The following BMP15 variants were observed in gnomAD, a reference collection of about 807,000 sequenced individuals.
BMP15 encodes the protein growth/differentiation factor 9B.
Under a neutral mutation model 4.4 loss-of-function variants are expected in BMP15, and 5 were observed. The observed-to-expected ratio is 1.13, with a 90% CI of 0.59 to 2.38. The LOEUF (loss-of-function observed/expected upper bound fraction) is 2.38, where lower values mean the gene tolerates loss of function less well. BMP15 is among the 30% of genes most tolerant of loss of function. The pLI is 0.01. For synonymous variants in BMP15, 125 were observed against 114.6 expected (o/e 1.09, Z -0.58); for missense variants, 339 against 309.8 (o/e 1.09, Z -0.71).
At chrX:50,915,721 C>G (rs376992375) in intron 1 of BMP15, 36 bp from the exon 2 acceptor site, 30 of 1,207,495 alleles carry the variant, frequency 2.5e-5, no homozygotes, top group Non-Finnish European at 3.2e-5. Flanking sequence ...AGGTAAGAAG[C>G]TAAACCTCTG....
At chrX:50,914,458 T>C (rs1167628663) in intron 1 of BMP15, among the ~76,000 whole-genome samples, 3 of 111,858 alleles carry the variant, frequency 2.7e-5, no homozygotes, top group East Asian at 5.7e-4. Context: ...TGTTGGCACA[T>C]ACCTGTAGTC....
chrX:50,913,196 TATGGGAAG>T (rs1461564304), intron 1 of BMP15, among the ~76,000 whole-genome samples: 3 of 110,587 alleles, frequency 2.7e-5, no homozygotes, highest in African/African-American at 6.6e-5. Flanking sequence ...GGGAGGCCAA[TATGGGAAG>T]ATCACTTGAG....
At position 50,910,971 on chromosome X, in the gene BMP15, T is replaced by A. The variant is rs369329828; in HGVS notation, c.188T>A (p.Leu63Gln). The change falls in exon 1 of 2, where the codon CTA (leucine) becomes CAA (glutamine). Residue 63 changes from leucine to glutamine, a missense_variant. Physicochemically the swap from Leu to Gln is moderately radical, Grantham distance 113. Coordinates refer to ENST00000252677, the MANE Select transcript of BMP15 (RefSeq NM_005448.2). ...GAACAGCCAAGGAAGCCCCGGCTCC[T>A]AGGGCATTCACTGCGGTACATGCTG... ...PGEQPRKPRL[L>Q]GHSLRYMLEL... 7.5e-5 allele frequency: 89 copies of A among 1,190,254 alleles called. No homozygotes were observed. The highest frequency in any genetic ancestry group is 9.8e-5 in the Non-Finnish European group (87 of 884,777).
At chrX:50,914,989 G>C (rs930078585) in intron 1 of BMP15, among the ~76,000 whole-genome samples, 1 of 111,678 alleles carries the variant, frequency 9.0e-6, no homozygotes, top group Non-Finnish European at 1.9e-5. Flanking sequence ...TAGAGGAATA[G>C]TGGTAAAATG....
Position 50,916,073 on chromosome X carries a change from T to C in BMP15, c.645T>C (p.Ser215=). 2 of 1,211,774 alleles carry C rather than the reference T, an allele frequency of 1.7e-6. No homozygotes were observed. Among genetic ancestry groups the C allele is most frequent in the Non-Finnish European group, 1.1e-6 (1 of 895,497 alleles). ...LRFMCQQQKD[S]GGLELWHGTS... is the part of the protein sequence containing the mutation. ...TTATGTGTCAGCAGCAAAAAGATAG[T>C]GGTGGTCTTGAGCTCTGGCATGGCA... is the stretch of plus-strand genomic sequence containing the variant. Residue 215 remains serine, a synonymous_variant, in exon 2 of 2, where the codon AGT becomes AGC. Transcript: ENST00000252677.
rs1259531162 is a variant in BMP15, at chrX:50,911,199, G to A, written c.328+88G>A. ...AGGGAATTGGTGGGTTTACTGTCAG[G>A]CTTTGTTGCCTTGTGGGCAGGTTGT... On this transcript the variant is annotated intron_variant, in intron 1 of 1. Transcript: ENST00000252677. 1.1e-5 allele frequency: 12 copies of A among 1,043,694 alleles called. No individual in the cohort carries two copies. In the East Asian group the frequency reaches 2.3e-4, roughly 20 times the overall value. 86.0% of individuals were successfully genotyped at this position (1,043,694 alleles called of 1,213,427 possible).
chrX:50,914,962 G>C (rs1449132085), intron 1 of BMP15, among the ~76,000 whole-genome samples: 1 of 111,798 alleles, frequency 8.9e-6, no homozygotes, highest in Non-Finnish European at 1.9e-5. Flanking sequence ...GATCAAGACT[G>C]TGTTGAAAAT....
intron 1 of BMP15, among the ~76,000 whole-genome samples, chrX:50,912,929 G>C (rs1923043317): frequency 9.0e-6 from 1 of 111,586 alleles, no homozygotes; most frequent in Non-Finnish European, 1.9e-5. Context: ...TTTGAGCTCA[G>C]GTCTATAAGA....
intron 1 of BMP15, among the ~76,000 whole-genome samples, chrX:50,915,516 A>G (rs182027460): frequency 1.6e-3 from 173 of 111,333 alleles, no homozygotes; most frequent in African/African-American, 5.5e-3. Flanking sequence ...CTGAGCCTCA[A>G]TTTCCTTATC....
chrX:50,911,135 G>T (rs370214433), intron 1 of BMP15, 24 bp downstream of exon 1: 1 of 1,158,324 alleles, frequency 8.6e-7, no homozygotes, highest in South Asian at 1.9e-5. Flanking sequence ...CCCCCATACT[G>T]CCCTGGAAGG....
chrX:50,911,184 T>C lies in BMP15; in HGVS notation c.328+73T>C, dbSNP rs1923008284. 22 of 1,078,644 alleles carry C rather than the reference T, an allele frequency of 2.0e-5. 1 individual carries two copies. In the South Asian group the frequency reaches 4.0e-4, roughly 19 times the overall value. The allele number at this position is 1,078,644 out of a possible 1,213,427, so 88.9% of individuals were successfully genotyped here. On this transcript the variant is annotated intron_variant, in intron 1 of 1. Transcript: ENST00000252677. ...AGGAGTGTAGAGAAAAGGGAATTGGTGGGTTTACTGTCAGGCTTTGTTGCC... is the reference window on the plus strand; with the variant it reads ...AGGAGTGTAGAGAAAAGGGAATTGGCGGGTTTACTGTCAGGCTTTGTTGCC...
Position 50,911,005 on chromosome X carries a change from C to T in BMP15, c.222C>T (p.Tyr74=). Residue 74 remains tyrosine (Y), a synonymous_variant, in exon 1 of 2, where the codon TAC becomes TAT. Transcript: ENST00000252677. ...GHSLRYMLEL[Y]RRSADSHGHP... is the part of the protein sequence containing the mutation. ...CACTGCGGTACATGCTGGAGTTGTA[C>T]CGGCGTTCAGCTGACTCGCATGGGC... is the stretch of plus-strand genomic sequence containing the variant. The T allele has an allele frequency of 8.4e-7, 1 of 1,194,507 alleles. No homozygotes were observed. The highest frequency in any genetic ancestry group is 1.1e-6 in the Non-Finnish European group (1 of 886,583).
At chrX:50,914,251 C>T (rs1412766678) in intron 1 of BMP15, among the ~76,000 whole-genome samples, 1 of 111,923 alleles carries the variant, frequency 8.9e-6, no homozygotes, top group Non-Finnish European at 1.9e-5. Context: ...GGATTAGAGG[C>T]GTGAGCCACC....
chrX:50,916,569 T>C lies in BMP15; in HGVS notation c.1141T>C (p.Tyr381His). Residue 381 changes from tyrosine (Y) to histidine (H), a missense_variant, in exon 2 of 2, where the codon TAT becomes CAT. Transcript: ENST00000252677. ...EANGSILYKE[Y>H]EGMIAESCTC... Reference sequence around the variant, plus strand: ...AAATGGGAGTATTTTGTACAAGGAGTATGAGGGTATGATTGCTGAGTCTTG... The same window carrying C: ...AAATGGGAGTATTTTGTACAAGGAGCATGAGGGTATGATTGCTGAGTCTTG... 8.3e-7 allele frequency: 1 copy of C among 1,210,019 alleles called. No individual in the cohort carries two copies. The highest frequency in any genetic ancestry group is 3.0e-5 in the East Asian group (1 of 33,772).
At chrX:50,911,846 G>T (rs1923022308) in intron 1 of BMP15, among the ~76,000 whole-genome samples, 1 of 111,485 alleles carries the variant, frequency 9.0e-6, no homozygotes, top group Non-Finnish European at 1.9e-5. Context: ...CTGGGACTAA[G>T]TGTATTTTGG....
At chrX:50,915,073 T>A (rs1305962839) in intron 1 of BMP15, among the ~76,000 whole-genome samples, 3 of 111,731 alleles carry the variant, frequency 2.7e-5, no homozygotes, top group African/African-American at 9.8e-5. Context: ...GAGGAAAAGA[T>A]GCTTAAGAAG....
rs1338075370 is a variant in BMP15, at chrX:50,916,330, G to A, written c.902G>A (p.Arg301His). The change falls in exon 2 of 2, where the codon CGC (arginine) becomes CAC (histidine). Residue 301 changes from arginine to histidine, a missense_variant. Physicochemically the swap from Arg to His is conservative, Grantham distance 29. Transcript: ENST00000252677. ...CSLHPFQISF[R>H]QLGWDHWIIA... ...CTCCACCCTTTCCAAATCAGCTTCC[G>A]CCAGCTGGGTTGGGATCACTGGATC... 6.7e-6 allele frequency: 8 copies of A among 1,191,614 alleles called. No homozygotes were observed. Among genetic ancestry groups the A allele is most frequent in the African/African-American group, 5.3e-5 (3 of 56,429 alleles).
chrX:50,911,020 C>G lies in BMP15; in HGVS notation c.237C>G (p.Asp79Glu), dbSNP rs782017941. Residue 79 changes from aspartate to glutamate, a missense_variant, in exon 1 of 2, where the codon GAC becomes GAG. Asp to Glu is a conservative substitution (Grantham distance 45). Transcript: ENST00000252677. Reference protein sequence around the residue: ...YMLELYRRSADSHGHPRENRT... With the variant: ...YMLELYRRSAESHGHPRENRT... The stretch of plus-strand genomic sequence containing the variant: ...TGGAGTTGTACCGGCGTTCAGCTGA[C>G]TCGCATGGGCACCCTAGAGAGAACC... The G allele has an allele frequency of 5.8e-6, 7 of 1,198,197 alleles. No individual in the cohort carries two copies. The highest frequency in any genetic ancestry group is 7.9e-6 in the Non-Finnish European group (7 of 888,583).
At chrX:50,911,230 T>C (rs1241494001) in intron 1 of BMP15, 119 bp downstream of exon 1, 2 of 885,596 alleles carry the variant, frequency 2.3e-6, no homozygotes, top group African/African-American at 4.0e-5. Context: ...GTTGTTTCTT[T>C]AGGCTTGGTT....
Sources: allele counts gnomAD v4.1 joint callset (sites outside exome capture counted in the v4.1 genomes callset), GRCh38; gene constraint gnomAD v4.1.1; transcripts MANE v1.5; gene names NCBI Gene and HGNC (gene_info 2026-07-23, HGNC 2026-07-21).